Variants in ZBTB20 observed in about 807,000 individuals in gnomAD.
ZBTB20 encodes zinc finger and BTB domain containing 20.
ZBTB20 carries 9 observed loss-of-function variants against 56.9 expected under a neutral mutation model. The ratio of observed to expected loss-of-function variants is 0.16; its 90% CI spans 0.10 to 0.28. The LOEUF is 0.28. Among genes scored for constraint, ZBTB20 ranks in the 10% least tolerant of loss-of-function variants. The probability of loss-of-function intolerance (pLI) is 1.00; values close to 1 mark genes in which losing one functional copy is unlikely to be tolerated. For synonymous variants in ZBTB20, 417 were observed against 420.7 expected (o/e 0.99, Z 0.11); for missense variants, 655 against 1,003.0 (o/e 0.65, Z 4.69).
intron 4 of ZBTB20, among the ~76,000 whole-genome samples, chr3:114,884,262 A>T (rs1436426518): frequency 1.4e-4 from 22 of 152,072 alleles, no homozygotes; most frequent in Admixed American, 1.2e-3. Context: ...TACATTTGTA[A>T]ATTAGGATGT....
intron 10 of ZBTB20, 167 bp from the exon 11 acceptor site, chr3:114,352,045 G>T: frequency 1.2e-6 from 1 of 861,224 alleles, no homozygotes; most frequent in Non-Finnish European, 1.7e-6. Flanking sequence ...CTGTAGGTAC[G>T]ATGACCTGAG....
intron 7 of ZBTB20, among the ~76,000 whole-genome samples, chr3:114,472,245 T>C (rs1216707123): frequency 6.6e-6 from 1 of 152,190 alleles, no homozygotes; most frequent in African/African-American, 2.4e-5. Flanking sequence ...AACATACTTG[T>C]TGAGCAAAAT....
At chr3:114,641,524 T>A (rs912428779) in intron 6 of ZBTB20, among the ~76,000 whole-genome samples, 1 of 151,670 alleles carries the variant, frequency 6.6e-6, no homozygotes, top group Non-Finnish European at 1.5e-5. Context: ...AATTTTTCCA[T>A]GGAAGGAAGG....
At position 114,513,282 on chromosome 3, in the gene ZBTB20, G is replaced by T. The variant is rs113617169; in HGVS notation, c.-294-12891C>A. 6.8e-3 allele frequency among the ~76,000 whole-genome samples: 1,030 copies of T among 152,226 alleles called. 7 individuals carry two copies. Among genetic ancestry groups the T allele is most frequent in the African/African-American group, 0.021 (854 of 41,556 alleles). On this transcript the variant is annotated intron_variant, in intron 6 of 11. Transcript: ENST00000675478. Reference sequence around the variant, plus strand: ...ATACTCTTATTATCTTGCATCAACAGACGTGAACAAATACGTACATGACAC... The same window carrying T: ...ATACTCTTATTATCTTGCATCAACATACGTGAACAAATACGTACATGACAC...
At chr3:114,527,095 G>A (rs1397111723) in intron 6 of ZBTB20, 1 of 152,048 alleles carries the variant, frequency 6.6e-6, no homozygotes, top group African/African-American at 2.4e-5. Context: ...AGGGAGGTGG[G>A]AACTATAGTT....
At chr3:115,128,333 T>C (rs2084394374) in intron 1 of ZBTB20, among the ~76,000 whole-genome samples, 1 of 152,150 alleles carries the variant, frequency 6.6e-6, no homozygotes, top group South Asian at 2.1e-4. Flanking sequence ...GGTAGTTGTT[T>C]CTACTAGCCT....
intron 5 of ZBTB20, among the ~76,000 whole-genome samples, chr3:114,794,505 G>A (rs753630238): frequency 5.9e-5 from 9 of 151,978 alleles, no homozygotes; most frequent in African/African-American, 9.7e-5. Flanking sequence ...AATTTTGTTC[G>A]TCTCCAAAAT....
chr3:114,403,059 G>A (rs1360045005), intron 7 of ZBTB20, among the ~76,000 whole-genome samples: 1 of 152,136 alleles, frequency 6.6e-6, no homozygotes, highest in Non-Finnish European at 1.5e-5. Context: ...TGTAGCTGAC[G>A]TGTAGATCAT....
chr3:114,923,111 G>A (rs949944829), intron 3 of ZBTB20, among the ~76,000 whole-genome samples: 5 of 152,152 alleles, frequency 3.3e-5, no homozygotes, highest in Non-Finnish European at 5.9e-5. Flanking sequence ...TTGCACGTTC[G>A]TGAATTGAAA....
intron 6 of ZBTB20, among the ~76,000 whole-genome samples, chr3:114,594,185 G>GTTAAAT (rs1469601358): frequency 6.6e-6 from 1 of 151,724 alleles, no homozygotes; most frequent in Non-Finnish European, 1.5e-5. Context: ...AAAAGAGATG[G>GTTAAAT]TTAAATTGCA....
intron 6 of ZBTB20, among the ~76,000 whole-genome samples, chr3:114,679,847 T>C (rs550496996): frequency 6.6e-6 from 1 of 152,334 alleles, no homozygotes; most frequent in South Asian, 2.1e-4. Flanking sequence ...ATATGTTTAT[T>C]GCAGCACTAT....
chr3:114,845,876 G>A (rs1240000391), intron 4 of ZBTB20, among the ~76,000 whole-genome samples: 1 of 152,040 alleles, frequency 6.6e-6, no homozygotes, highest in Non-Finnish European at 1.5e-5. Flanking sequence ...ATGCTACATT[G>A]GTGCTCAACT....
intron 5 of ZBTB20, among the ~76,000 whole-genome samples, chr3:114,781,912 C>T (rs912547143): frequency 6.6e-6 from 1 of 152,194 alleles, no homozygotes; most frequent in Non-Finnish European, 1.5e-5. Context: ...ATTGTGAGGT[C>T]TACCCAGCCA....
intron 11 of ZBTB20, among the ~76,000 whole-genome samples, chr3:114,343,751 AAAGGGGGCCCACACGGCTGGGC>A (rs928375066): frequency 2.6e-5 from 4 of 152,252 alleles, no homozygotes; most frequent in Non-Finnish European, 4.4e-5. Context: ...CGTCTGTTTA[AAAGGGGGCCCACACGGCTGGGC>A]ACCGTGGCTC....
intron 10 of ZBTB20, chr3:114,359,497 A>G (rs746124814): frequency 6.6e-6 from 1 of 152,218 alleles, no homozygotes; most frequent in Non-Finnish European, 1.5e-5. Flanking sequence ...AAAAAAGTCA[A>G]TGAAATCTGA....
intron 6 of ZBTB20, among the ~76,000 whole-genome samples, chr3:114,617,924 T>C (rs528644551): frequency 1.7e-4 from 25 of 150,480 alleles, no homozygotes; most frequent in African/African-American, 6.2e-4. Context: ...TGCAAACTTA[T>C]CCCTGACACA....
intron 7 of ZBTB20, among the ~76,000 whole-genome samples, chr3:114,484,178 G>A (rs1320449985): frequency 6.6e-5 from 10 of 152,078 alleles, no homozygotes. Flanking sequence ...GTTTCTATAT[G>A]GAAAATTACA....
chr3:114,427,655 T>C (rs1441286822), intron 7 of ZBTB20, among the ~76,000 whole-genome samples: 1 of 152,254 alleles, frequency 6.6e-6, no homozygotes, highest in Non-Finnish European at 1.5e-5. Context: ...TACACATTTA[T>C]ACTGTAAATA....
At chr3:114,353,159 A>C (rs2080857911) in intron 10 of ZBTB20, among the ~76,000 whole-genome samples, 1 of 152,186 alleles carries the variant, frequency 6.6e-6, no homozygotes, top group African/African-American at 2.4e-5. Context: ...TTACAACTGA[A>C]CAATCAGCTT....
Sources: allele counts gnomAD v4.1 joint callset (sites outside exome capture counted in the v4.1 genomes callset), GRCh38; gene constraint gnomAD v4.1.1; transcripts MANE v1.5; gene names NCBI Gene and HGNC (gene_info 2026-07-23, HGNC 2026-07-21).